The following ASTN1 variants were observed in gnomAD, a reference collection of about 807,000 sequenced individuals.
ASTN1 encodes astrotactin-1.
Under a neutral mutation model 140.7 loss-of-function variants are expected in ASTN1, and 41 were observed. That is an observed-to-expected ratio of 0.29 (90% confidence interval 0.23 to 0.38). The LOEUF (loss-of-function observed/expected upper bound fraction) is 0.38. Among genes scored for constraint, ASTN1 ranks in the 10% least tolerant of loss-of-function variants. The pLI, the probability that ASTN1 is intolerant of heterozygous loss-of-function variation, is 1.00. For missense variants in ASTN1, 1,479 were observed against 1,678.8 expected, an observed-to-expected ratio of 0.88 and a Z score of 2.08; for synonymous variants, 640 against 652.2, an observed-to-expected ratio of 0.98 and a Z score of 0.29.
At chr1:176,935,292 T>C (rs1026371609) in intron 15 of ASTN1, among the ~76,000 whole-genome samples, 3 of 152,230 alleles carry the variant, frequency 2.0e-5, no homozygotes, top group Admixed American at 6.5e-5. Context: ...CCAGCGATAT[T>C]TGATTGTTAA....
chr1:176,869,224 G>A (rs1668244338), intron 21 of ASTN1, among the ~76,000 whole-genome samples, 197 bp from the exon 22 acceptor site: 1 of 151,802 alleles, frequency 6.6e-6, no homozygotes, highest in Non-Finnish European at 1.5e-5. Context: ...CAATGTGTAT[G>A]TATATACATA....
At chr1:176,965,336 C>T in intron 8 of ASTN1, 99 bp from the exon 9 acceptor site, 1 of 1,136,288 alleles carries the variant, frequency 8.8e-7, no homozygotes, top group South Asian at 1.4e-5. Flanking sequence ...GACACCCAGC[C>T]ATCCAGGGCA....
intron 1 of ASTN1, among the ~76,000 whole-genome samples, chr1:177,065,635 CAT>C (rs1678316553): frequency 6.6e-6 from 1 of 152,142 alleles, no homozygotes; most frequent in Admixed American, 6.5e-5. Context: ...AAGGATAACA[CAT>C]GTTTGCAGAA....
chr1:177,070,179 TC>T (rs1421170488), intron 1 of ASTN1, among the ~76,000 whole-genome samples: 6 of 152,334 alleles, frequency 3.9e-5, no homozygotes, highest in Non-Finnish European at 8.8e-5. Flanking sequence ...AGGGCCACTC[TC>T]CTGCAGTGAT....
chr1:176,900,395 G>A (rs893026211), intron 16 of ASTN1, among the ~76,000 whole-genome samples: 9 of 152,106 alleles, frequency 5.9e-5, no homozygotes, highest in Admixed American at 4.6e-4. Context: ...TCAGCAAAAC[G>A]CACTGCTAAC....
chr1:176,991,280 G>A (rs2101896952), intron 8 of ASTN1, among the ~76,000 whole-genome samples: 2 of 152,020 alleles, frequency 1.3e-5, no homozygotes, highest in Admixed American at 1.3e-4. Context: ...TGGCATGGTG[G>A]CACATGACTG....
chr1:177,140,719 T>C (rs1682427393), intron 1 of ASTN1, among the ~76,000 whole-genome samples: 1 of 152,162 alleles, frequency 6.6e-6, no homozygotes, highest in Non-Finnish European at 1.5e-5. Flanking sequence ...AAACAAGGTA[T>C]AGAGAGATAA....
rs532469497 is a variant in ASTN1, at chr1:177,129,522, C to T, written c.283+34872G>A. Among the ~76,000 whole-genome samples, 10 of 152,244 alleles carry T rather than the reference C, an allele frequency of 6.6e-5. No individual in the cohort carries two copies. The South Asian group carries it at 1.9e-3, about 28-fold the overall frequency. On this transcript the variant is annotated intron_variant, in intron 1 of 22. Transcript: ENST00000361833. ...GAGGCTGAATATCTTTGTTTAGCTT[C>T]TACCTGAGAAAGAGAGTTGAACAGA...
intron 11 of ASTN1, among the ~76,000 whole-genome samples, chr1:176,956,591 A>G (rs1345442923): frequency 1.3e-5 from 2 of 152,208 alleles, no homozygotes; most frequent in African/African-American, 2.4e-5. Context: ...CCGCCAATCC[A>G]GTAGAGCTAC....
chr1:176,880,073 AG>A (rs1196826083), intron 20 of ASTN1, among the ~76,000 whole-genome samples: 3 of 152,202 alleles, frequency 2.0e-5, no homozygotes, highest in African/African-American at 7.2e-5. Context: ...CCCTGCTCCC[AG>A]TGGGAAGGCT....
intron 1 of ASTN1, among the ~76,000 whole-genome samples, chr1:177,068,389 G>A (rs1205743240): frequency 6.6e-6 from 1 of 152,132 alleles, no homozygotes; most frequent in Non-Finnish European, 1.5e-5. Flanking sequence ...TGACTTGCTG[G>A]GATTTGGAAT....
chr1:177,063,250 A>T (rs1678186957), intron 1 of ASTN1, among the ~76,000 whole-genome samples: 1 of 152,192 alleles, frequency 6.6e-6, no homozygotes, highest in Non-Finnish European at 1.5e-5. Flanking sequence ...GATGAGGGAT[A>T]AGGTACAATT....
rs752658608 is a variant in ASTN1, at chr1:176,946,136, G to C, written c.2055-16C>G. On this transcript the variant is annotated splice_polypyrimidine_tract_variant and intron_variant, in intron 12 of 22. Transcript: ENST00000361833. ...CTCGATGCACCTAGCACAGAGGAGA[G>C]CTCAATATAAGAAGTTATTCCATCA... The C allele has an allele frequency of 6.4e-6, 10 of 1,556,118 alleles. No homozygotes were observed. Among genetic ancestry groups the C allele is most frequent in the Non-Finnish European group, 7.0e-6 (8 of 1,142,332 alleles).
rs75524251 is a variant in ASTN1, at chr1:176,946,108, G to A, written c.2067C>T (p.Asp689=). The A allele has an allele frequency of 2.5e-6, 4 of 1,611,084 alleles. No homozygotes were observed. Among genetic ancestry groups the A allele is most frequent in the Non-Finnish European group, 2.5e-6 (3 of 1,177,978 alleles). Residue 689 remains aspartate, a synonymous_variant, in exon 13 of 23, where the codon GAC becomes GAT. Coordinates refer to ENST00000361833, the MANE Select transcript of ASTN1 (RefSeq NM_004319.3). ...NILMFCGCIE[D]YKLGVDGRSC... ...AGCGTCCATCCACACCAAGCTTGTA[G>A]TCCTCGATGCACCTAGCACAGAGGA... is the stretch of plus-strand genomic sequence containing the variant.
At chr1:176,979,049 T>C (rs2101876989) in intron 8 of ASTN1, among the ~76,000 whole-genome samples, 1 of 152,262 alleles carries the variant, frequency 6.6e-6, no homozygotes, top group South Asian at 2.1e-4. Flanking sequence ...TTCGTGAATA[T>C]ATAACCACAC....
downstream of ASTN1, chr1:176,860,924 C>CT (rs529430972): frequency 1.0e-3 from 291 of 288,478 alleles, no homozygotes; most frequent in Non-Finnish European, 1.3e-3. Context: ...ATATTTGATT[C>CT]TTTTTTTTTC....
At chr1:176,996,149 T>C (rs1674428148) in intron 8 of ASTN1, among the ~76,000 whole-genome samples, 1 of 152,000 alleles carries the variant, frequency 6.6e-6, no homozygotes, top group Non-Finnish European at 1.5e-5. Flanking sequence ...TAAAAATTAT[T>C]TCATTCACAA....
chr1:176,950,502 C>G (rs914758082), intron 11 of ASTN1, among the ~76,000 whole-genome samples: 1 of 152,096 alleles, frequency 6.6e-6, no homozygotes, highest in African/African-American at 2.4e-5. Context: ...TCTCACAATA[C>G]CCTATATTAT....
At chr1:177,105,116 T>A (rs1571789909) in intron 1 of ASTN1, among the ~76,000 whole-genome samples, 1 of 152,170 alleles carries the variant, frequency 6.6e-6, no homozygotes, top group East Asian at 1.9e-4. Context: ...TCTAGGCCCA[T>A]CATTTCCTCA....
Sources: allele counts gnomAD v4.1 joint callset (sites outside exome capture counted in the v4.1 genomes callset), GRCh38; gene constraint gnomAD v4.1.1; transcripts MANE v1.5; gene names NCBI Gene and HGNC (gene_info 2026-07-23, HGNC 2026-07-21).